Variants in IQGAP1 observed in about 807,000 individuals in gnomAD.
IQGAP1 encodes the protein ras GTPase-activating-like protein IQGAP1.
A neutral mutation model predicts 215.6 loss-of-function variants in IQGAP1; 66 were observed. The observed-to-expected ratio is 0.31, with a 90% CI of 0.25 to 0.38. The LOEUF (loss-of-function observed/expected upper bound fraction) is 0.38. Among genes scored for constraint, IQGAP1 ranks in the 10% least tolerant of loss-of-function variants. The probability of loss-of-function intolerance (pLI) is 1.00; values close to 1 mark genes in which losing one functional copy is unlikely to be tolerated. For missense variants in IQGAP1, 1,712 were observed against 1,997.1 expected, an observed-to-expected ratio of 0.86 and a Z score of 2.72; for synonymous variants, 772 against 728.7, an observed-to-expected ratio of 1.06 and a Z score of -0.96.
chr15:90,428,748 G>A (rs923064611), intron 3 of IQGAP1, among the ~76,000 whole-genome samples: 3 of 152,134 alleles, frequency 2.0e-5, no homozygotes, highest in African/African-American at 4.8e-5. Context: ...CCAGTGAGCC[G>A]ATTGTGCCAG....
At chr15:90,479,511 G>C (rs1966026024) in intron 26 of IQGAP1, among the ~76,000 whole-genome samples, 1 of 151,598 alleles carries the variant, frequency 6.6e-6, no homozygotes, top group South Asian at 2.1e-4. Context: ...GCTGAGGTGG[G>C]AGGATTGCTT....
chr15:90,460,703 G>A (rs930481417), intron 15 of IQGAP1, among the ~76,000 whole-genome samples: 7 of 152,188 alleles, frequency 4.6e-5, no homozygotes, highest in African/African-American at 7.2e-5. Flanking sequence ...AATTTCTACC[G>A]TATTGAAAAA....
intron 26 of IQGAP1, among the ~76,000 whole-genome samples, chr15:90,480,793 C>A (rs1020738587): frequency 1.3e-5 from 2 of 152,108 alleles, no homozygotes; most frequent in South Asian, 2.1e-4. Flanking sequence ...CTCAGCCTCC[C>A]GAATAGCTGG....
intron 35 of IQGAP1, chr15:90,494,155 C>T (rs1199511091): frequency 6.6e-6 from 1 of 152,200 alleles, no homozygotes; most frequent in African/African-American, 2.4e-5. Context: ...CAAATAACCT[C>T]TTGTACATAT....
intron 15 of IQGAP1, among the ~76,000 whole-genome samples, chr15:90,461,415 C>T (rs993238219): frequency 2.6e-5 from 4 of 152,182 alleles, no homozygotes; most frequent in African/African-American, 7.2e-5. Flanking sequence ...ACTAATGTCA[C>T]GTTTCTCTTC....
Position 90,441,484 on chromosome 15 carries a change from GT to G in IQGAP1, c.650-15del, listed in dbSNP as rs201895237. On this transcript the variant is annotated intron_variant, in intron 7 of 37. Transcript: ENST00000268182. ...ATAATCTCAGTGTTTTTGTTGGTTT[GT>G]TTTTTTGTTTTTTTTTTTAGTACAT... 3 of 1,581,864 alleles carry G rather than the reference GT, an allele frequency of 1.9e-6. No homozygotes were observed. The highest frequency in any genetic ancestry group is 1.4e-5 in the African/African-American group (1 of 72,354).
chr15:90,468,484 A>G (rs929066896), intron 18 of IQGAP1, among the ~76,000 whole-genome samples: 4 of 152,224 alleles, frequency 2.6e-5, no homozygotes, highest in African/African-American at 4.8e-5. Context: ...CCTGCCATCT[A>G]TATCTGTCAA....
chr15:90,437,254 A>T (rs1260470971), intron 5 of IQGAP1, among the ~76,000 whole-genome samples: 2 of 152,206 alleles, frequency 1.3e-5, no homozygotes, highest in African/African-American at 4.8e-5. Context: ...CCAAGGGGGA[A>T]ACCTGCCCCC....
rs1446175723 is a variant in IQGAP1, at chr15:90,492,546, A to G, written c.4463A>G (p.Asp1488Gly). 6.3e-7 allele frequency: 1 copy of G among 1,595,868 alleles called. No homozygotes were observed. Among genetic ancestry groups the G allele is most frequent in the Non-Finnish European group, 8.5e-7 (1 of 1,174,548 alleles). ...CTAACTTTAATAATTATGTCTCAGG[A>G]TATTCGGAATCAGCGGAGGTACCGA... Reference protein sequence around the residue: ...YQELINDIARDIRNQRRYRQR... With the variant: ...YQELINDIARGIRNQRRYRQR... The change falls in exon 35 of 38, where the codon GAT (aspartate) becomes GGT (glycine). Residue 1488 changes from aspartate (D) to glycine (G), a missense_variant and splice_region_variant. Coordinates refer to ENST00000268182, the MANE Select transcript of IQGAP1 (RefSeq NM_003870.4).
intron 29 of IQGAP1, among the ~76,000 whole-genome samples, 172 bp from the exon 30 acceptor site, chr15:90,484,048 C>T (rs1031352196): frequency 2.6e-5 from 4 of 152,174 alleles, no homozygotes; most frequent in African/African-American, 7.2e-5. Context: ...AGAAGTTATT[C>T]GAACCACTAT....
chr15:90,442,760 G>A, intron 8 of IQGAP1, among the ~76,000 whole-genome samples: 1 of 152,090 alleles, frequency 6.6e-6, no homozygotes, highest in East Asian at 1.9e-4. Context: ...CTTGAGGTTA[G>A]GAGTTTGAGA....
intron 9 of IQGAP1, among the ~76,000 whole-genome samples, chr15:90,443,821 T>A (rs1354245013): frequency 3.3e-5 from 5 of 152,154 alleles, no homozygotes; most frequent in Admixed American, 2.0e-4. Flanking sequence ...CCCAGGACTT[T>A]GGGAGGCTAA....
At chr15:90,463,090 T>C (rs542342418) in intron 15 of IQGAP1, among the ~76,000 whole-genome samples, 5 of 152,214 alleles carry the variant, frequency 3.3e-5, no homozygotes, top group Non-Finnish European at 7.3e-5. Context: ...CTCTCTTTCC[T>C]TCTTCATTCT....
intron 34 of IQGAP1, 83 bp downstream of exon 34, chr15:90,491,628 A>G: frequency 1.8e-6 from 2 of 1,102,318 alleles, no homozygotes; most frequent in East Asian, 2.4e-5. Context: ...ACATAACAGC[A>G]TAGCTTCAGT....
chr15:90,499,306 A>G (rs1966312722), intron 37 of IQGAP1, among the ~76,000 whole-genome samples: 1 of 152,228 alleles, frequency 6.6e-6, no homozygotes, highest in Non-Finnish European at 1.5e-5. Context: ...GTCATTTAAC[A>G]TCTCTGAGTC....
intron 2 of IQGAP1, among the ~76,000 whole-genome samples, chr15:90,400,050 G>A (rs577021066): frequency 6.6e-6 from 1 of 152,086 alleles, no homozygotes; most frequent in South Asian, 2.1e-4. Flanking sequence ...GAAATTTGTA[G>A]AATTGTTGTT....
At chr15:90,413,081 T>A (rs1327136800) in intron 2 of IQGAP1, among the ~76,000 whole-genome samples, 2 of 152,240 alleles carry the variant, frequency 1.3e-5, no homozygotes, top group Non-Finnish European at 1.5e-5. Context: ...TTTGTCTTGC[T>A]GAGTGTAGAG....
Position 90,454,617 on chromosome 15 carries a change from G to T in IQGAP1, c.1612+65G>T, listed in dbSNP as rs572757129. 1.5e-5 allele frequency: 22 copies of T among 1,460,654 alleles called. 1 individual carries two copies. In the South Asian group the frequency reaches 3.1e-4, roughly 20 times the overall value. The allele number at this position is 1,460,654 out of a possible 1,614,324, so 90.5% of individuals were successfully genotyped here. ...TAATGATGATGTGATTCCATGAAGT[G>T]GTTCAAAATACTACTCCTAGAAGGA... is the stretch of plus-strand genomic sequence containing the variant. On this transcript the variant is annotated intron_variant, in intron 14 of 37. Transcript: ENST00000268182.
At chr15:90,456,054 C>T in intron 14 of IQGAP1, 98 bp from the exon 15 acceptor site, 1 of 1,019,442 alleles carries the variant, frequency 9.8e-7, no homozygotes, top group South Asian at 1.6e-5. Context: ...CATGGTTACT[C>T]TTAGGTGGAT....
Sources: gnomAD v4.1 joint callset for allele counts (sites outside exome capture counted in the v4.1 genomes callset) on GRCh38, gnomAD v4.1.1 for gene constraint, MANE v1.5 for transcripts, NCBI Gene and HGNC (gene_info 2026-07-23, HGNC 2026-07-21) for gene names.